The following BOLL variants were observed in gnomAD, a reference collection of about 807,000 sequenced individuals.
BOLL encodes protein boule-like.
Under a neutral mutation model 44.4 loss-of-function variants are expected in BOLL, and 23 were observed. That is an observed-to-expected ratio of 0.52 (90% CI 0.37 to 0.73). The LOEUF (loss-of-function observed/expected upper bound fraction) is 0.73, where lower values mean the gene tolerates loss of function less well. Among genes scored for constraint, BOLL ranks in the 30% least tolerant of loss-of-function variants. The pLI, the probability that BOLL is intolerant of heterozygous loss-of-function variation, is 0.00. For missense variants in BOLL, 287 were observed against 338.3 expected (o/e 0.85, Z 1.19); for synonymous variants, 97 against 110.8 (o/e 0.88, Z 0.78).
intron 6 of BOLL, 147 bp from the exon 7 acceptor site, chr2:197,766,750 C>A (rs1030865767): frequency 3.3e-6 from 2 of 610,948 alleles, no homozygotes; most frequent in South Asian, 2.2e-5. Flanking sequence ...ATATGATTAC[C>A]AACTCTACTA....
At position 197,756,428 on chromosome 2, in the gene BOLL, C is replaced by A; in HGVS notation, c.729G>T (p.Glu243Asp). Residue 243 changes from glutamate (E) to aspartate (D), a missense_variant and splice_region_variant, in exon 9 of 11, where the codon GAG becomes GAT. Coordinates refer to ENST00000392296, the MANE Select transcript of BOLL (RefSeq NM_033030.6). Reference sequence around the variant, plus strand: ...CAATTACTTTAAGACTAATACATACCTCTGGAACTGAAGTTTCCATCAGAG... The same window carrying A: ...CAATTACTTTAAGACTAATACATACATCTGGAACTGAAGTTTCCATCAGAG... ...PLSLMETSVP[E>D]PYSDHGVQAT... 6.2e-7 allele frequency: 1 copy of A among 1,605,692 alleles called. No individual in the cohort carries two copies. Among genetic ancestry groups the A allele is most frequent in the Non-Finnish European group, 8.5e-7 (1 of 1,175,556 alleles).
At chr2:197,733,953 T>C (rs1381490109) in intron 10 of BOLL, among the ~76,000 whole-genome samples, 1 of 151,972 alleles carries the variant, frequency 6.6e-6, no homozygotes, top group Non-Finnish European at 1.5e-5. Context: ...AAAGCCAAAA[T>C]TGACAAATGG....
intron 9 of BOLL, among the ~76,000 whole-genome samples, chr2:197,753,512 G>A (rs1409970197): frequency 2.0e-5 from 3 of 152,182 alleles, no homozygotes; most frequent in Non-Finnish European, 4.4e-5. Flanking sequence ...AGATATTTAT[G>A]TGGCCACCAA....
At position 197,726,908 on chromosome 2, in the gene BOLL, A is replaced by C. The variant is rs1686870870; in HGVS notation, c.*1647T>G. On this transcript the variant is annotated 3_prime_UTR_variant, in exon 11 of 11. Transcript: ENST00000392296. ...TTCCTTATCCAATAATACATAATTA[A>C]TTTTTATTAACAGTCCAGGATTTGT... is the stretch of plus-strand genomic sequence containing the variant. 1 of 152,630 alleles carries C rather than the reference A, an allele frequency of 6.6e-6. No homozygotes were observed. The highest frequency in any genetic ancestry group is 1.5e-5 in the Non-Finnish European group (1 of 68,022). 9.5% of individuals were successfully genotyped at this position (152,630 alleles called of 1,614,324 possible). A position where few individuals can be genotyped will look rare whatever the true frequency, so the allele number is the denominator to read the frequency against.
chr2:197,742,581 G>A (rs1479367769), intron 10 of BOLL, among the ~76,000 whole-genome samples: 2 of 151,684 alleles, frequency 1.3e-5, no homozygotes, highest in South Asian at 2.1e-4. Context: ...ACCAAACACC[G>A]CATGTTCTCA....
chr2:197,777,363 A>G (rs1455859107), intron 3 of BOLL, among the ~76,000 whole-genome samples: 3 of 151,916 alleles, frequency 2.0e-5, no homozygotes, highest in Non-Finnish European at 4.4e-5. Flanking sequence ...TGTATGCAGG[A>G]AAGAAAAGCA....
chr2:197,732,946 G>T (rs1422404339), intron 10 of BOLL, among the ~76,000 whole-genome samples: 10 of 139,802 alleles, frequency 7.2e-5, no homozygotes, highest in African/African-American at 1.1e-4. Flanking sequence ...ACATAGTGTT[G>T]GAAGTTCTGG....
At chr2:197,775,345 A>G (rs1689459562) in intron 5 of BOLL, among the ~76,000 whole-genome samples, 1 of 151,916 alleles carries the variant, frequency 6.6e-6, no homozygotes. Context: ...TCTCATTAGT[A>G]AGTCTAAATT....
intron 7 of BOLL, among the ~76,000 whole-genome samples, chr2:197,761,659 G>A (rs1215710839): frequency 6.6e-6 from 1 of 152,004 alleles, no homozygotes; most frequent in Non-Finnish European, 1.5e-5. Flanking sequence ...ATAGAGACTA[G>A]CTGAATATAT....
chr2:197,765,386 T>C lies in BOLL; in HGVS notation c.552+1146A>G, dbSNP rs140560534. Among the ~76,000 whole-genome samples the C allele has an allele frequency of 1.7e-4, 26 of 151,640 alleles. No individual in the cohort carries two copies. In the East Asian group the frequency reaches 4.3e-3, roughly 25 times the overall value. On this transcript the variant is annotated intron_variant, in intron 7 of 10. Coordinates refer to ENST00000392296, the MANE Select transcript of BOLL (RefSeq NM_033030.6). Reference sequence around the variant, plus strand: ...TCCAAAACACCTCCAAAATTACAGCTAGATAGGAGGAATAAGTTCTAATGT... The same window carrying C: ...TCCAAAACACCTCCAAAATTACAGCCAGATAGGAGGAATAAGTTCTAATGT...
At chr2:197,736,531 G>A (rs144786989) in intron 10 of BOLL, among the ~76,000 whole-genome samples, 52 of 152,176 alleles carry the variant, frequency 3.4e-4, no homozygotes, top group African/African-American at 1.1e-3. Context: ...ATTATAAGCT[G>A]TTAGAAGTTG....
chr2:197,764,933 G>T (rs1281865464), intron 7 of BOLL, among the ~76,000 whole-genome samples: 1 of 151,600 alleles, frequency 6.6e-6, no homozygotes, highest in African/African-American at 2.4e-5. Flanking sequence ...TTTCCACTGA[G>T]CATCACAATA....
intron 10 of BOLL, among the ~76,000 whole-genome samples, chr2:197,739,734 C>T (rs1269406515): frequency 2.6e-5 from 4 of 152,246 alleles, no homozygotes; most frequent in African/African-American, 7.2e-5. Context: ...GAAATATATA[C>T]TCTTAAACTA....
intron 9 of BOLL, among the ~76,000 whole-genome samples, chr2:197,748,585 G>C (rs569536365): frequency 6.6e-6 from 1 of 152,172 alleles, no homozygotes; most frequent in Non-Finnish European, 1.5e-5. Context: ...TTGAGTAAGC[G>C]GTTTTCCACT....
chr2:197,748,415 G>C (rs1688084386), intron 9 of BOLL, among the ~76,000 whole-genome samples: 1 of 152,216 alleles, frequency 6.6e-6, no homozygotes, highest in African/African-American at 2.4e-5. Flanking sequence ...GGGAGCTGAA[G>C]CCAGGAGCCA....
chr2:197,728,411 G>T lies in BOLL; in HGVS notation c.*144C>A. On this transcript the variant is annotated 3_prime_UTR_variant, in exon 11 of 11. Transcript: ENST00000392296. ...CATCAAATTTAGACAGCTTATAGTGGAATAACTGAGTATGGTGAGGTATTA... is the reference window on the plus strand; with the variant it reads ...CATCAAATTTAGACAGCTTATAGTGTAATAACTGAGTATGGTGAGGTATTA... 7.7e-7 allele frequency: 1 copy of T among 1,305,864 alleles called. No individual in the cohort carries two copies. Among genetic ancestry groups the T allele is most frequent in the East Asian group, 2.4e-5 (1 of 42,258 alleles). 80.9% of individuals were successfully genotyped at this position (1,305,864 alleles called of 1,614,324 possible).
At chr2:197,770,245 A>T (rs1034201178) in intron 6 of BOLL, among the ~76,000 whole-genome samples, 4 of 152,342 alleles carry the variant, frequency 2.6e-5, no homozygotes, top group Middle Eastern at 3.4e-3. Context: ...AGAAATGGGG[A>T]AAGGATTCCC....
At chr2:197,777,032 G>T in intron 4 of BOLL, 27 bp downstream of exon 4, 1 of 1,504,118 alleles carries the variant, frequency 6.6e-7, no homozygotes, top group South Asian at 1.3e-5. Context: ...TTCCAGAAAT[G>T]AAGTTAAATA....
intron 5 of BOLL, chr2:197,774,680 T>G (rs1429610293): frequency 6.6e-6 from 1 of 151,934 alleles, no homozygotes. Context: ...TAGCTTAACC[T>G]TTGCAAGTAA....
Sources: gnomAD v4.1 joint callset for allele counts (sites outside exome capture counted in the v4.1 genomes callset) on GRCh38, gnomAD v4.1.1 for gene constraint, MANE v1.5 for transcripts, NCBI Gene and HGNC (gene_info 2026-07-23, HGNC 2026-07-21) for gene names.